The following CREBBP variants were observed in gnomAD, a reference collection of about 807,000 sequenced individuals.
The protein encoded by CREBBP is CREB-binding protein.
A neutral mutation model predicts 265.0 loss-of-function variants in CREBBP; 19 were observed. The observed-to-expected ratio is 0.07, with a 90% CI of 0.05 to 0.11. The LOEUF (loss-of-function observed/expected upper bound fraction) is 0.11. Ranked by LOEUF, CREBBP falls within the 10% of genes least tolerant of loss-of-function variation. The pLI, the probability that CREBBP is intolerant of heterozygous loss-of-function variation, is 1.00. For missense variants in CREBBP, 2,525 were observed against 3,219.0 expected (o/e 0.78, Z 5.22); for synonymous variants, 1,457 against 1,223.7 (o/e 1.19, Z -3.98).
rs1286524799 is a variant in CREBBP, at chr16:3,770,632, C to T, written c.2818G>A (p.Ala940Thr). 1 of 1,613,830 alleles carries T rather than the reference C, an allele frequency of 6.2e-7. No individual in the cohort carries two copies. The highest frequency in any genetic ancestry group is 2.2e-5 in the East Asian group (1 of 44,898). The change falls in exon 14 of 31, where the codon GCT (alanine) becomes ACT (threonine). Residue 940 changes from alanine (A) to threonine (T), a missense_variant. Ala to Thr is a moderately conservative substitution (Grantham distance 58). Around this residue, in one of 19 missense-constraint regions of CREBBP, gnomAD observed 548 missense variants for 533.0 expected, o/e 1.03. Coordinates refer to ENST00000262367, the MANE Select transcript of CREBBP (RefSeq NM_004380.3). ...TGTTGCTGCGATGACTGAGGGGTAG[C>T]CACAGACGGGGGCTGAACTGGGGTT... The part of the protein sequence containing the change: ...PQTPVQPPSV[A>T]TPQSSQQQPT...
chr16:3,804,632 C>A (rs779220648), intron 3 of CREBBP, among the ~76,000 whole-genome samples: 2 of 152,208 alleles, frequency 1.3e-5, no homozygotes, highest in African/African-American at 2.4e-5. Flanking sequence ...AGGACTACTG[C>A]GGTGTATTTA....
chr16:3,796,443 G>A (rs2053610276), intron 3 of CREBBP, among the ~76,000 whole-genome samples: 1 of 150,472 alleles, frequency 6.6e-6, no homozygotes, highest in East Asian at 2.0e-4. Flanking sequence ...CTGGAGTGCA[G>A]TGGCGCCACC....
intron 2 of CREBBP, among the ~76,000 whole-genome samples, chr16:3,818,061 G>A (rs575819677): frequency 6.6e-6 from 1 of 152,072 alleles, no homozygotes; most frequent in East Asian, 1.9e-4. Context: ...CAACCACTCC[G>A]ACAAACAAAC....
At chr16:3,849,413 GTGTGTGTGTGTGTGTGTGTGT>G (rs1567359846) in intron 2 of CREBBP, among the ~76,000 whole-genome samples, 2 of 5,830 alleles carry the variant, frequency 3.4e-4, no homozygotes, top group African/African-American at 4.0e-4. Context: ...GTGTGTGTGT[GTGTGTGTGTGTGTGTGTGTGT>G]GTGTGTGTGT....
intron 2 of CREBBP, among the ~76,000 whole-genome samples, chr16:3,849,790 A>T (rs1217485110): frequency 1.3e-5 from 2 of 152,040 alleles, no homozygotes; most frequent in African/African-American, 4.8e-5. Context: ...AGGGGACCCC[A>T]CTTGAAGAAC....
At chr16:3,783,126 C>G (rs934497821) in intron 5 of CREBBP, among the ~76,000 whole-genome samples, 200 bp from the exon 6 acceptor site, 3 of 152,044 alleles carry the variant, frequency 2.0e-5, no homozygotes, top group African/African-American at 7.2e-5. Context: ...AAGTGAGGAA[C>G]AAAAAGTTAA....
At chr16:3,835,576 C>CTTTTTT (rs1021938849) in intron 2 of CREBBP, among the ~76,000 whole-genome samples, 18 of 117,480 alleles carry the variant, frequency 1.5e-4, no homozygotes, top group African/African-American at 3.4e-4. Context: ...AAGATTTCTT[C>CTTTTTT]TTTTTTTTTT....
intron 15 of CREBBP, among the ~76,000 whole-genome samples, chr16:3,768,304 C>T (rs1439376108): frequency 6.6e-6 from 1 of 151,708 alleles, no homozygotes; most frequent in Non-Finnish European, 1.5e-5. Context: ...TGCCACCACA[C>T]TCGGCTAATT....
intron 15 of CREBBP, 133 bp downstream of exon 15, chr16:3,769,041 C>A: frequency 3.0e-6 from 3 of 996,430 alleles, no homozygotes; most frequent in African/African-American, 3.2e-5. Flanking sequence ...ATACACCAAA[C>A]CCCGAACCCA....
At chr16:3,736,003 C>A (rs747055756) in intron 28 of CREBBP, 33 bp downstream of exon 28, 1 of 1,614,126 alleles carries the variant, frequency 6.2e-7, no homozygotes, top group Non-Finnish European at 8.5e-7. Context: ...CAGCGGGACA[C>A]GTGGGCAATG....
chr16:3,810,811 G>T, intron 2 of CREBBP, 32 bp from the exon 3 acceptor site: 5 of 1,610,202 alleles, frequency 3.1e-6, no homozygotes, highest in Non-Finnish European at 4.2e-6. Context: ...ATCAGCTGTG[G>T]TGACGCAGTC....
intron 2 of CREBBP, among the ~76,000 whole-genome samples, chr16:3,834,281 G>A (rs1338630088): frequency 6.6e-6 from 1 of 152,066 alleles, no homozygotes; most frequent in African/African-American, 2.4e-5. Context: ...ACCCAAAACA[G>A]GTAAAAACTT....
intron 2 of CREBBP, among the ~76,000 whole-genome samples, chr16:3,845,623 C>T (rs1161175242): frequency 2.0e-5 from 3 of 152,214 alleles, no homozygotes; most frequent in South Asian, 4.1e-4. Context: ...CGGTGGCTCA[C>T]GCCTGCAATC....
intron 2 of CREBBP, among the ~76,000 whole-genome samples, chr16:3,828,563 T>C (rs957497203): frequency 6.6e-6 from 1 of 152,198 alleles, no homozygotes. Flanking sequence ...CCTGGGAAAT[T>C]AGACTCACTC....
Position 3,727,726 on chromosome 16 carries a change from C to G in CREBBP, c.7321G>C (p.Gly2441Arg), listed in dbSNP as rs1341030470. Residue 2441 changes from glycine to arginine, a missense_variant, in exon 31 of 31, where the codon GGC becomes CGC. By Grantham distance (125) the Gly-to-Arg change is moderately radical. Transcript: ENST00000262367. ...TGDTLEKFVEGL is the reference protein window; with the variant it reads ...TGDTLEKFVERL ...GTGATGCTCTCACAATGCTACAAGCCCTCCACAAACTTCTCTAGCGTGTCC... is the reference window on the plus strand; with the variant it reads ...GTGATGCTCTCACAATGCTACAAGCGCTCCACAAACTTCTCTAGCGTGTCC... The G allele has an allele frequency of 1.9e-6, 3 of 1,613,922 alleles. No individual in the cohort carries two copies.
At chr16:3,833,376 C>A (rs1399352342) in intron 2 of CREBBP, among the ~76,000 whole-genome samples, 1 of 152,216 alleles carries the variant, frequency 6.6e-6, no homozygotes, top group African/African-American at 2.4e-5. Flanking sequence ...AGCACCACTG[C>A]ACTTCAGCTT....
intron 21 of CREBBP, among the ~76,000 whole-genome samples, chr16:3,746,020 C>A (rs1275266827): frequency 6.6e-6 from 1 of 152,240 alleles, no homozygotes; most frequent in Non-Finnish European, 1.5e-5. Flanking sequence ...CCCACCAGGG[C>A]TCCGTCACCT....
At chr16:3,820,859 T>A (rs2054128776) in intron 2 of CREBBP, among the ~76,000 whole-genome samples, 2 of 152,136 alleles carry the variant, frequency 1.3e-5, no homozygotes, top group Admixed American at 6.6e-5. Context: ...AGAATGTGAC[T>A]TAGAAGAAGA....
At chr16:3,735,742 CTT>C (rs967050435) in intron 28 of CREBBP, among the ~76,000 whole-genome samples, 1 of 152,180 alleles carries the variant, frequency 6.6e-6, no homozygotes, top group African/African-American at 2.4e-5. Flanking sequence ...CCTCGACTCA[CTT>C]TTTACATCAG....
Sources: allele counts gnomAD v4.1 joint callset (sites outside exome capture counted in the v4.1 genomes callset), GRCh38; gene constraint gnomAD v4.1.1; regional missense constraint gnomAD v4.1.1; transcripts MANE v1.5; gene names NCBI Gene and HGNC (gene_info 2026-07-23, HGNC 2026-07-21).